Variants in ZNF611 observed in about 807,000 individuals in gnomAD.
ZNF611 encodes the protein zinc finger protein 611.
A neutral mutation model predicts 8.9 loss-of-function variants in ZNF611; 6 were observed. That is an observed-to-expected ratio of 0.68 (90% CI 0.37 to 1.34). The LOEUF (loss-of-function observed/expected upper bound fraction) is 1.34, where lower values mean the gene tolerates loss of function less well. ZNF611 is among the 40% of genes most tolerant of loss of function. The pLI is 0.02. For synonymous variants in ZNF611, 262 were observed against 279.7 expected, an observed-to-expected ratio of 0.94 and a Z score of 0.63; for missense variants, 874 against 841.3, an observed-to-expected ratio of 1.04 and a Z score of -0.48.
Position 52,706,406 on chromosome 19 carries a change from A to C in ZNF611, c.649T>G (p.Leu217Val). ...NYGNNPLNSS[L>V]LPQKQEVHMR... ...TGTACTTCCTGTTTTTGTGGGAGTA[A>C]TGAAGAATTCAGGGGATTATTCCCA... Residue 217 changes from leucine (L) to valine (V), a missense_variant, in exon 6 of 6, where the codon TTA (leucine) becomes GTA (valine). Leu to Val is a conservative substitution (Grantham distance 32). Coordinates refer to ENST00000652185, the MANE Select transcript of ZNF611 (RefSeq NM_001161499.2). 2 of 1,614,182 alleles carry C rather than the reference A, an allele frequency of 1.2e-6. No homozygotes were observed. The highest frequency in any genetic ancestry group is 1.7e-6 in the Non-Finnish European group (2 of 1,180,032).
rs373092392 is a variant in ZNF611 at position 52,705,832 on chromosome 19, G to A, written c.1223C>T (p.Thr408Met). 45 of 1,613,532 alleles carry A rather than the reference G, an allele frequency of 2.8e-5. No individual in the cohort carries two copies. The highest frequency in any genetic ancestry group is 1.2e-4 in the Admixed American group (7 of 59,932). Residue 408 changes from threonine to methionine, a missense_variant, in exon 6 of 6, where the codon ACG (threonine) becomes ATG (methionine). Thr to Met is a moderately conservative substitution (Grantham distance 81). Coordinates refer to ENST00000652185, the MANE Select transcript of ZNF611 (RefSeq NM_001161499.2). The stretch of plus-strand genomic sequence containing the variant: ...ATGTCGAGCCAGCTGTGAATGCCAC[G>A]TGAAAGCTGTGTCACAAACCTTACA... ...YRCKVCDTAF[T>M]WHSQLARHRR...
intron 1 of ZNF611, among the ~76,000 whole-genome samples, chr19:52,730,800 T>C (rs1485548447): frequency 2.0e-5 from 3 of 152,040 alleles, no homozygotes; most frequent in Non-Finnish European, 2.9e-5. Flanking sequence ...GTCAGGCTGG[T>C]CTCGAACCAC....
At position 52,704,305 on chromosome 19, in the gene ZNF611, G is replaced by C. The variant is rs112910512; in HGVS notation, c.*632C>G. ...TCAAAAATGAATTTTCTGATGTTCT[G>C]CATGGAGTGATCTTGGACTGAAGAC... On this transcript the variant is annotated 3_prime_UTR_variant, in exon 6 of 6. Coordinates refer to ENST00000652185, the MANE Select transcript of ZNF611 (RefSeq NM_001161499.2). The C allele has an allele frequency of 1.1e-3, 614 of 567,860 alleles. 4 individuals carry two copies. The highest frequency in any genetic ancestry group is 9.0e-3 in the African/African-American group (479 of 53,450). 35.2% of individuals were successfully genotyped at this position (567,860 alleles called of 1,614,324 possible). A position where few individuals can be genotyped will look rare whatever the true frequency, so the allele number is the denominator to read the frequency against.
At chr19:52,721,496 T>C (rs1032406101) in intron 3 of ZNF611, among the ~76,000 whole-genome samples, 3 of 152,186 alleles carry the variant, frequency 2.0e-5, no homozygotes, top group Non-Finnish European at 4.4e-5. Flanking sequence ...CCGGCCAACA[T>C]GGCGAAACCC....
At chr19:52,730,980 G>C (rs2147450342) in intron 1 of ZNF611, among the ~76,000 whole-genome samples, 1 of 152,132 alleles carries the variant, frequency 6.6e-6, no homozygotes, top group Middle Eastern at 3.4e-3. Context: ...CTATCACTCA[G>C]GCTGGAGTGT....
chr19:52,721,821 A>G (rs549999053), intron 3 of ZNF611, among the ~76,000 whole-genome samples: 1 of 152,100 alleles, frequency 6.6e-6, no homozygotes, highest in Non-Finnish European at 1.5e-5. Flanking sequence ...CTGAAGTGCA[A>G]TGATGCGATC....
chr19:52,734,912 T>A (rs2062448064), intron 1 of ZNF611, 89 bp downstream of exon 1: 1 of 152,308 alleles, frequency 6.6e-6, no homozygotes, highest in South Asian at 2.1e-4. Flanking sequence ...CCGGAGAATT[T>A]CCAGGTCTGT....
chr19:52,718,071 G>A (rs967208178), intron 3 of ZNF611, among the ~76,000 whole-genome samples: 10 of 152,120 alleles, frequency 6.6e-5, no homozygotes, highest in Non-Finnish European at 1.2e-4. Context: ...ATGAGGCCAG[G>A]CATGGTGACA....
chr19:52,704,881 C>T lies in ZNF611; in HGVS notation c.*56G>A. The T allele has an allele frequency of 6.2e-7, 1 of 1,609,918 alleles. No homozygotes were observed. The highest frequency in any genetic ancestry group is 1.7e-4 in the Middle Eastern group (1 of 6,026). ...AAGCTTTCTCTCCAGTATAAATTCT[C>T]CTATGTCTTTAAGGTGTGATTTCCA... On this transcript the variant is annotated 3_prime_UTR_variant, in exon 6 of 6. Coordinates refer to ENST00000652185, the MANE Select transcript of ZNF611 (RefSeq NM_001161499.2).
chr19:52,730,209 T>G (rs4802988), intron 1 of ZNF611, among the ~76,000 whole-genome samples: 3 of 151,392 alleles, frequency 2.0e-5, no homozygotes, highest in African/African-American at 7.3e-5. Context: ...CTGGCTAACA[T>G]GGTGAAACCC....
At chr19:52,711,231 C>A (rs993150618) in intron 5 of ZNF611, 17 of 152,078 alleles carry the variant, frequency 1.1e-4, no homozygotes, top group African/African-American at 4.1e-4. Context: ...TCTCGGGAGG[C>A]TGAGGCAGGA....
intron 3 of ZNF611, among the ~76,000 whole-genome samples, chr19:52,721,733 A>G (rs1186816672): frequency 6.7e-6 from 1 of 149,176 alleles, no homozygotes; most frequent in Admixed American, 6.6e-5. Context: ...GGGAGAGGGA[A>G]AGGGAGAGGG....
chr19:52,726,397 G>A (rs368666429), intron 3 of ZNF611, among the ~76,000 whole-genome samples: 1 of 152,082 alleles, frequency 6.6e-6, no homozygotes, highest in Non-Finnish European at 1.5e-5. Flanking sequence ...TCTCTCGCGC[G>A]CTCTTTTTCT....
chr19:52,712,934 C>A (rs1364293591), intron 5 of ZNF611, among the ~76,000 whole-genome samples: 2 of 152,218 alleles, frequency 1.3e-5, no homozygotes, highest in African/African-American at 4.8e-5. Context: ...TGGCTCATGC[C>A]TGTAATCCCA....
chr19:52,730,391 C>CAAAAAAAAA (rs1159350274), intron 1 of ZNF611, among the ~76,000 whole-genome samples: 3 of 73,562 alleles, frequency 4.1e-5, no homozygotes, highest in Non-Finnish European at 5.0e-5. Context: ...GACTCCGTCT[C>CAAAAAAAAA]AAAAAAAAAA....
chr19:52,731,865 G>A (rs1225074196), intron 1 of ZNF611, among the ~76,000 whole-genome samples: 1 of 152,112 alleles, frequency 6.6e-6, no homozygotes, highest in Non-Finnish European at 1.5e-5. Flanking sequence ...CAGCTATTCA[G>A]GAGGCTGAGG....
At position 52,705,054 on chromosome 19, in the gene ZNF611, TC is replaced by T. The variant is rs1568598543; in HGVS notation, c.2000del (p.Arg667AsnfsTer58). ...TCTCTGCAGTGTGAATTCTGGTATG[TC>T]TTGACAGGAGTGAATTACGCACGAA... ...KAFVRNSLLS[R>X]HTRIHTAEKP... On this transcript the variant is annotated frameshift_variant, in exon 6 of 6. Coordinates refer to ENST00000652185, the MANE Select transcript of ZNF611 (RefSeq NM_001161499.2). LOFTEE classifies it low-confidence loss of function (END_TRUNC). 7 of 1,614,046 alleles carry T rather than the reference TC, an allele frequency of 4.3e-6. No homozygotes were observed. In the South Asian group the frequency reaches 7.7e-5, roughly 18 times the overall value.
chr19:52,730,414 A>AAAAC (rs2062418827), intron 1 of ZNF611, among the ~76,000 whole-genome samples: 41 of 106,668 alleles, frequency 3.8e-4, no homozygotes, highest in African/African-American at 1.5e-3. Context: ...AAAAAAAAAA[A>AAAAC]AAAAAAAAAA....
At position 52,706,068 on chromosome 19, in the gene ZNF611, G is replaced by T; in HGVS notation, c.987C>A (p.Ala329=). 1 of 1,613,976 alleles carries T rather than the reference G, an allele frequency of 6.2e-7. No homozygotes were observed. The highest frequency in any genetic ancestry group is 8.5e-7 in the Non-Finnish European group (1 of 1,179,996). The change falls in exon 6 of 6, where the codon GCC becomes GCA. Residue 329 remains alanine, a synonymous_variant. Transcript: ENST00000652185. ...ECGKIFGQNS[A]LLIDKAIDTG... is the part of the protein sequence containing the mutation. ...TATCAATTGCCTTATCAATTAGAAG[G>T]GCTGAATTTTGACCAAAGATCTTGC...
Sources: allele counts gnomAD v4.1 joint callset (sites outside exome capture counted in the v4.1 genomes callset), GRCh38; gene constraint gnomAD v4.1.1; transcripts MANE v1.5; gene names NCBI Gene and HGNC (gene_info 2026-07-23, HGNC 2026-07-21).